The following SAMTOR variants were observed in gnomAD, a reference collection of about 807,000 sequenced individuals.
The protein encoded by SAMTOR is S-adenosylmethionine sensor upstream of mTORC1.
At chr7:112,857,644 T>G in the SAMTOR span, among the ~76,000 whole-genome samples, 2 of 152,248 alleles carry the variant, frequency 1.3e-5, no homozygotes, top group East Asian at 3.8e-4. Context: ...ATCTATATTG[T>G]GTCTTTGCAT....
chr7:112,909,163 C>T, the SAMTOR span, among the ~76,000 whole-genome samples: 1 of 152,146 alleles, frequency 6.6e-6, no homozygotes, highest in Admixed American at 6.5e-5. Flanking sequence ...TATTTTAACC[C>T]CCCAGCCTAT....
the SAMTOR span, among the ~76,000 whole-genome samples, chr7:112,878,930 C>T: frequency 1.3e-5 from 2 of 152,008 alleles, no homozygotes; most frequent in Admixed American, 1.3e-4. Flanking sequence ...TAGAGGTAGA[C>T]AGACTAACAC....
the SAMTOR span, among the ~76,000 whole-genome samples, chr7:112,867,428 G>A: frequency 6.6e-6 from 1 of 152,084 alleles, no homozygotes; most frequent in Non-Finnish European, 1.5e-5. Flanking sequence ...TCAAGGAAAT[G>A]GAATTAAAAG....
At chr7:112,848,196 A>G in the SAMTOR span, among the ~76,000 whole-genome samples, 1 of 152,172 alleles carries the variant, frequency 6.6e-6, no homozygotes, top group African/African-American at 2.4e-5. Context: ...ATAGAGGCTT[A>G]TATTAAGTAA....
the SAMTOR span, among the ~76,000 whole-genome samples, chr7:112,920,945 G>A: frequency 6.6e-6 from 1 of 152,284 alleles, no homozygotes; most frequent in Non-Finnish European, 1.5e-5. Flanking sequence ...GGAAATAAAA[G>A]AGGATACAAA....
At chr7:112,886,351 G>C in the SAMTOR span, among the ~76,000 whole-genome samples, 1 of 152,164 alleles carries the variant, frequency 6.6e-6, no homozygotes, top group Non-Finnish European at 1.5e-5. Flanking sequence ...TATTGCTAGA[G>C]ATAATGGAAT....
chr7:112,870,681 T>A, the SAMTOR span, among the ~76,000 whole-genome samples: 1 of 151,504 alleles, frequency 6.6e-6, no homozygotes, highest in South Asian at 2.1e-4. Context: ...CAACCTCTCA[T>A]ATCAATATTA....
the SAMTOR span, among the ~76,000 whole-genome samples, chr7:112,823,725 A>G: frequency 6.6e-6 from 1 of 152,186 alleles, no homozygotes; most frequent in Admixed American, 6.5e-5. Context: ...TAGTAGGTTT[A>G]ATTTTTAAAT....
chr7:112,821,999 G>T, the SAMTOR span: 4 of 1,613,640 alleles, frequency 2.5e-6, no homozygotes, highest in South Asian at 4.4e-5. Flanking sequence ...TTTTTAGAGA[G>T]ATTTTCCTAA....
At chr7:112,873,115 C>G in the SAMTOR span, among the ~76,000 whole-genome samples, 1 of 151,944 alleles carries the variant, frequency 6.6e-6, no homozygotes, top group East Asian at 1.9e-4. Context: ...CTGGATGAAT[C>G]AGTATTGTTA....
At chr7:112,890,923 C>G in the SAMTOR span, among the ~76,000 whole-genome samples, 1 of 152,066 alleles carries the variant, frequency 6.6e-6, no homozygotes, top group Non-Finnish European at 1.5e-5. Context: ...CTCCTGGACT[C>G]AAGCAATCCA....
At chr7:112,909,402 T>G in the SAMTOR span, among the ~76,000 whole-genome samples, 1 of 152,208 alleles carries the variant, frequency 6.6e-6, no homozygotes, top group South Asian at 2.1e-4. Flanking sequence ...TTTATAAGGT[T>G]TGACTTTTGA....
the SAMTOR span, among the ~76,000 whole-genome samples, chr7:112,924,311 A>C: frequency 2.0e-5 from 3 of 152,128 alleles, no homozygotes; most frequent in Non-Finnish European, 4.4e-5. Flanking sequence ...GGTTTTTTTT[A>C]AACAGAAAAG....
At chr7:112,830,782 T>C in the SAMTOR span, among the ~76,000 whole-genome samples, 1 of 152,212 alleles carries the variant, frequency 6.6e-6, no homozygotes, top group Non-Finnish European at 1.5e-5. Flanking sequence ...AAGTTTCATA[T>C]GAAAGTTAAA....
the SAMTOR span, chr7:112,832,612 C>A: frequency 6.2e-7 from 1 of 1,613,558 alleles, no homozygotes; most frequent in South Asian, 1.1e-5. Context: ...CTTCAAACTT[C>A]AGAAATGGGT....
chr7:112,871,335 A>G, the SAMTOR span, among the ~76,000 whole-genome samples: 1 of 152,238 alleles, frequency 6.6e-6, no homozygotes, highest in Admixed American at 6.5e-5. Context: ...CATATCACAG[A>G]GGAATAAAAA....
the SAMTOR span, among the ~76,000 whole-genome samples, chr7:112,909,687 TAA>T: frequency 2.6e-5 from 4 of 152,060 alleles, no homozygotes; most frequent in African/African-American, 7.2e-5. Context: ...AGGAAAAGGC[TAA>T]TGTATTAATG....
chr7:112,831,436 C>A, the SAMTOR span, among the ~76,000 whole-genome samples: 1 of 152,128 alleles, frequency 6.6e-6, no homozygotes, highest in Non-Finnish European at 1.5e-5. Context: ...GCAGGTGGAT[C>A]ACCTGAGGTC....
chr7:112,847,518 C>CTGA, the SAMTOR span, among the ~76,000 whole-genome samples: 2 of 152,192 alleles, frequency 1.3e-5, no homozygotes, highest in African/African-American at 4.8e-5. Flanking sequence ...GTGGCTCATG[C>CTGA]CTGTAATCCC....
Sources: allele counts gnomAD v4.1 joint callset (sites outside exome capture counted in the v4.1 genomes callset), GRCh38; gene constraint gnomAD v4.1.1; transcripts MANE v1.5; gene names NCBI Gene and HGNC (gene_info 2026-07-23, HGNC 2026-07-21).